Variants in PRH1 observed in about 807,000 individuals in gnomAD.
PRH1 encodes the protein salivary acidic proline-rich phosphoprotein 1/2.
Under a neutral mutation model 7.9 loss-of-function variants are expected in PRH1, and 7 were observed. That is an observed-to-expected ratio of 0.89 (90% CI 0.50 to 1.67). The LOEUF (loss-of-function observed/expected upper bound fraction) is 1.67. PRH1 is among the 40% of genes most tolerant of loss of function. The pLI is 0.00. For synonymous variants in PRH1, 45 were observed against 80.8 expected (o/e 0.56, Z 2.38); for missense variants, 109 against 223.6 (o/e 0.49, Z 3.27).
intron 2 of PRH1, among the ~76,000 whole-genome samples, chr12:10,943,907 C>CA (rs1226070585): frequency 3.9e-5 from 6 of 152,262 alleles, no homozygotes; most frequent in Non-Finnish European, 8.8e-5. Context: ...TCTGGGATCT[C>CA]TATTCTGTTC....
intron 1 of PRH1, chr12:10,997,532 C>T (rs764574447): frequency 1.2e-6 from 2 of 1,613,972 alleles, no homozygotes; most frequent in Non-Finnish European, 1.7e-6. Context: ...AAAAATAAGT[C>T]TGGAGAAATT....
At position 10,911,807 on chromosome 12, in the gene PRH1, T is replaced by C. The variant is rs562309694; in HGVS notation, c.-58-27532A>G. ...GAAGTTTAAATGCTATAGTATAAAG[T>C]GCACACTAATTTAAAAGCCTCCCAT... On this transcript the variant is annotated intron_variant, in intron 2 of 3. Coordinates refer to the PRH1 transcript ENST00000539853. Among the ~76,000 whole-genome samples the C allele has an allele frequency of 5.3e-5, 8 of 152,274 alleles. No homozygotes were observed. The South Asian group carries it at 8.3e-4, about 16-fold the overall frequency.
intron 2 of PRH1, chr12:10,964,518 T>G: frequency 3.8e-6 from 1 of 260,418 alleles, no homozygotes. Context: ...CAAATTAGGA[T>G]GAATGAATGA....
chr12:11,154,149 T>C (rs969095421), intron 1 of PRH1, among the ~76,000 whole-genome samples: 2 of 152,208 alleles, frequency 1.3e-5, no homozygotes, highest in Non-Finnish European at 2.9e-5. Context: ...TCAGCCAACT[T>C]TGGCAGTTTA....
intron 1 of PRH1, among the ~76,000 whole-genome samples, chr12:11,019,017 A>G (rs1418387657): frequency 6.6e-6 from 1 of 152,284 alleles, no homozygotes; most frequent in Non-Finnish European, 1.5e-5. Flanking sequence ...TTAAAAAAAA[A>G]CTATCTCTTA....
Position 11,089,974 on chromosome 12 carries a change from AG to A in PRH1, n.124-42787del, listed in dbSNP as rs767258529. On this transcript the variant is annotated intron_variant and non_coding_transcript_variant, in intron 1 of 4. Transcript: ENST00000541977. ...TGTAATCTTAACCTGAGACCGGAAC[AG>A]GGGAATTCATGCAACTGCAGATTTT... 3.4e-5 allele frequency among the ~76,000 whole-genome samples: 4 copies of A among 117,148 alleles called. 1 individual carries two copies. Among genetic ancestry groups the A allele is most frequent in the Non-Finnish European group, 8.1e-5 (4 of 49,410 alleles). The allele number at this position is 117,148 out of a possible 152,430, so 76.9% of individuals were successfully genotyped here.
chr12:11,036,668 A>G (rs998090304), intron 1 of PRH1, among the ~76,000 whole-genome samples: 5 of 152,244 alleles, frequency 3.3e-5, no homozygotes, highest in African/African-American at 1.2e-4. Flanking sequence ...TGTAAAATAA[A>G]CTACACTTAA....
chr12:11,158,640 A>C (rs1947324841), intron 1 of PRH1: 1 of 152,218 alleles, frequency 6.6e-6, no homozygotes, highest in African/African-American at 2.4e-5. Flanking sequence ...TGGTTAGTGA[A>C]TATTTTAAGG....
At chr12:11,170,359 A>T (rs1334583242) in intron 1 of PRH1, among the ~76,000 whole-genome samples, 1 of 152,180 alleles carries the variant, frequency 6.6e-6, no homozygotes, top group East Asian at 1.9e-4. Context: ...ATCCTGGCTA[A>T]CACGGTGAAA....
intron 1 of PRH1, among the ~76,000 whole-genome samples, chr12:10,992,019 T>A (rs1939958731): frequency 2.0e-5 from 3 of 152,120 alleles, no homozygotes. Context: ...TGCTAAATAA[T>A]TATAAACCAA....
intron 1 of PRH1, among the ~76,000 whole-genome samples, chr12:11,112,828 G>T (rs774738193): frequency 1.3e-5 from 2 of 152,032 alleles, no homozygotes; most frequent in East Asian, 1.9e-4. Flanking sequence ...AGAAATAAAG[G>T]GTATTCAAAT....
intron 1 of PRH1, among the ~76,000 whole-genome samples, chr12:11,018,236 G>A (rs1043786919): frequency 6.6e-6 from 1 of 152,174 alleles, no homozygotes; most frequent in African/African-American, 2.4e-5. Context: ...TTCAGTGGAG[G>A]ATTATCCGCT....
intron 1 of PRH1, chr12:11,133,117 T>TCTTA: frequency 1.7e-6 from 1 of 601,070 alleles, no homozygotes; most frequent in Non-Finnish European, 2.3e-6. Flanking sequence ...CTTCAGTTTT[T>TCTTA]CATACACACA....
rs1223292967 is a variant in PRH1, at chr12:11,089,730, T to C, written n.124-42542A>G. Among the ~76,000 whole-genome samples the C allele has an allele frequency of 4.5e-5, 5 of 112,126 alleles. 1 individual carries two copies. The highest frequency in any genetic ancestry group is 1.1e-4 in the Non-Finnish European group (5 of 47,346). The allele number at this position is 112,126 out of a possible 152,430, so 73.6% of individuals were successfully genotyped here. A position where few individuals can be genotyped will look rare whatever the true frequency, so the allele number is the denominator to read the frequency against. ...CAACTAGAAAATATCATAATACAAA[T>C]ATATAATTCACAATAGAAAAAAAAT... is the stretch of plus-strand genomic sequence containing the variant. On this transcript the variant is annotated intron_variant and non_coding_transcript_variant, in intron 1 of 4. Transcript: ENST00000541977.
At chr12:11,128,926 CT>C (rs939165987) in intron 1 of PRH1, among the ~76,000 whole-genome samples, 10 of 123,862 alleles carry the variant, frequency 8.1e-5, no homozygotes, top group African/African-American at 2.2e-4. Context: ...GAACTTCCAC[CT>C]TTTTTTTTGT....
At chr12:11,153,946 C>T (rs191552852) in intron 1 of PRH1, among the ~76,000 whole-genome samples, 287 of 152,044 alleles carry the variant, frequency 1.9e-3, no homozygotes, top group African/African-American at 6.0e-3. Context: ...AACAAGAGAG[C>T]GAAACAAGTG....
At chr12:10,929,392 G>A (rs1392526115) in intron 2 of PRH1, 3 of 1,604,712 alleles carry the variant, frequency 1.9e-6, no homozygotes, top group Non-Finnish European at 2.6e-6. Flanking sequence ...ACGGGCGAAT[G>A]CTATAGAGGG....
At chr12:11,069,216 C>A (rs74408963) in intron 1 of PRH1, among the ~76,000 whole-genome samples, 64,647 of 120,704 alleles carry the variant, frequency 0.54, 13,919 homozygotes, top group Non-Finnish European at 0.62. Context: ...AGCATCCAAC[C>A]TGGTACTGTT....
intron 1 of PRH1, among the ~76,000 whole-genome samples, chr12:11,054,873 G>GCTCACTGCAAGCTCTGC (rs1198190507): frequency 1.4e-4 from 17 of 124,328 alleles, no homozygotes; most frequent in Non-Finnish European, 2.2e-4. Flanking sequence ...CGAGATCTCG[G>GCTCACTGCAAGCTCTGC]CTCACTGCAA....
Sources: allele counts gnomAD v4.1 joint callset (sites outside exome capture counted in the v4.1 genomes callset), GRCh38; gene constraint gnomAD v4.1.1; transcripts MANE v1.5; gene names NCBI Gene and HGNC (gene_info 2026-07-23, HGNC 2026-07-21).